The following BOP1 variants were observed in gnomAD, a reference collection of about 807,000 sequenced individuals.
The protein encoded by BOP1 is ribosome biogenesis protein BOP1.
Under a neutral mutation model 82.9 loss-of-function variants are expected in BOP1, and 54 were observed. The observed-to-expected ratio is 0.65, with a 90% confidence interval of 0.52 to 0.82. The LOEUF (loss-of-function observed/expected upper bound fraction) is 0.82, where lower values mean the gene tolerates loss of function less well. Among genes scored for constraint, BOP1 ranks in the 40% least tolerant of loss-of-function variants. The probability of loss-of-function intolerance (pLI) is 0.00; values close to 1 mark genes in which losing one functional copy is unlikely to be tolerated. For missense variants in BOP1, 1,170 were observed against 1,072.0 expected (o/e 1.09, Z -1.28); for synonymous variants, 566 against 451.1 (o/e 1.25, Z -3.23).
chr8:144,275,697 G>C (rs1433351432), intron 3 of BOP1, among the ~76,000 whole-genome samples: 1 of 152,160 alleles, frequency 6.6e-6, no homozygotes, highest in African/African-American at 2.4e-5. Flanking sequence ...GGGGTGGGGG[G>C]CAGGGGGACC....
chr8:144,281,003 C>A (rs113274882), intron 2 of BOP1, among the ~76,000 whole-genome samples: 132 of 93,872 alleles, frequency 1.4e-3, no homozygotes, highest in African/African-American at 2.5e-3. Context: ...CTCTCACTTT[C>A]ATACCAGGTC....
intron 1 of BOP1, among the ~76,000 whole-genome samples, 166 bp from the exon 2 acceptor site, chr8:144,289,470 A>C (rs1554839868): frequency 6.6e-6 from 1 of 151,788 alleles, no homozygotes; most frequent in East Asian, 1.9e-4. Context: ...CATCCACCCA[A>C]CCTGAGCCTT....
intron 2 of BOP1, among the ~76,000 whole-genome samples, chr8:144,282,726 C>G (rs1384580284): frequency 6.6e-6 from 1 of 152,072 alleles, no homozygotes; most frequent in East Asian, 1.9e-4. Flanking sequence ...CCTCTGACCA[C>G]CCCCCAGACA....
chr8:144,277,382 C>A (rs1845583819), intron 2 of BOP1, among the ~76,000 whole-genome samples: 1 of 152,236 alleles, frequency 6.6e-6, no homozygotes, highest in Non-Finnish European at 1.5e-5. Context: ...ACAGCCGCAG[C>A]AGATCCGTGA....
chr8:144,274,181 C>A (rs1026509375), intron 3 of BOP1, among the ~76,000 whole-genome samples: 16 of 151,626 alleles, frequency 1.1e-4, no homozygotes, highest in Middle Eastern at 6.8e-3. Context: ...TCGCCGCTCG[C>A]AGGAGCACAC....
Position 144,263,753 on chromosome 8 carries a change from C to G in BOP1, c.1230G>C (p.Arg410Ser). 2 of 1,581,868 alleles carry G rather than the reference C, an allele frequency of 1.3e-6. No individual in the cohort carries two copies. The highest frequency in any genetic ancestry group is 1.7e-6 in the Non-Finnish European group (2 of 1,166,142). ...GGCACCGGACAAGGTCACTGTGGCC[C>G]CTGTAGACCTGAGGAGGCGGCGGCA... The part of the protein sequence containing the change: ...PFPTCQALVY[R>S]GHSDLVRCLS... Residue 410 changes from arginine (R) to serine (S), a missense_variant, in exon 10 of 16, where the codon AGG becomes AGC. By Grantham distance (110) the Arg-to-Ser change is moderately radical. Transcript: ENST00000569669.
chr8:144,272,671 G>A (rs1365374244), intron 3 of BOP1, among the ~76,000 whole-genome samples: 4 of 152,112 alleles, frequency 2.6e-5, no homozygotes, highest in African/African-American at 9.7e-5. Context: ...CAAGCAGGAG[G>A]ACGCGGCTCT....
Position 144,291,308 on chromosome 8 carries a change from C to A in BOP1, c.63G>T (p.Arg21=). ...GCTCAGGCTCCAGTTCGGGCTCAGA[C>A]CGCCGCTTCTCCGGCCGCACGCTCG... The part of the protein sequence containing the change: ...AAPSVRPEKR[R]SEPELEPEPE... Residue 21 remains arginine, a synonymous_variant, in exon 1 of 16, where the codon CGG becomes CGT. Transcript: ENST00000569669. The surrounding 1 kb of genome is among the most constrained non-coding windows in gnomAD (Gnocchi z 4.1). 1 of 1,446,752 alleles carries A rather than the reference C, an allele frequency of 6.9e-7. No individual in the cohort carries two copies. The highest frequency in any genetic ancestry group is 9.1e-7 in the Non-Finnish European group (1 of 1,099,706). 89.6% of individuals were successfully genotyped at this position (1,446,752 alleles called of 1,614,324 possible). A position where few individuals can be genotyped will look rare whatever the true frequency, so the allele number is the denominator to read the frequency against.
chr8:144,282,885 C>T (rs1845706816), intron 2 of BOP1, among the ~76,000 whole-genome samples: 1 of 151,998 alleles, frequency 6.6e-6, no homozygotes, highest in Admixed American at 6.6e-5. Context: ...AGCAAATGCT[C>T]GTTGTTGAAA....
rs538906098 is a variant in BOP1, at chr8:144,289,308, C to G, written c.100-4G>C. On this transcript the variant is annotated splice_region_variant and splice_polypyrimidine_tract_variant and intron_variant, in intron 1 of 15. Transcript: ENST00000569669. ...GAGAGGTGCAGAGGAGGGGGGGCTG[C>G]AAGGAAACACTGGGTTGGTGACAAC... The G allele has an allele frequency of 8.9e-5, 144 of 1,613,098 alleles. 1 individual carries two copies. The South Asian group carries it at 1.4e-3, about 16-fold the overall frequency.
At position 144,264,695 on chromosome 8, in the gene BOP1, G is replaced by A. The variant is rs921646595; in HGVS notation, c.663+19C>T. On this transcript the variant is annotated intron_variant, in intron 5 of 15. Transcript: ENST00000569669. The stretch of plus-strand genomic sequence containing the variant: ...CCTCCAGGACCCCCGCCGCCCAGGG[G>A]CCAGCCCCTGCCACCTACCTCATAG... 3 of 1,565,596 alleles carry A rather than the reference G, an allele frequency of 1.9e-6. No homozygotes were observed. Among genetic ancestry groups the A allele is most frequent in the East Asian group, 2.4e-5 (1 of 42,398 alleles).
At chr8:144,266,803 G>A (rs1845380390) in intron 3 of BOP1, 31 of 1,137,378 alleles carry the variant, frequency 2.7e-5, no homozygotes, top group Middle Eastern at 3.7e-4. Flanking sequence ...GGCCGGGGGC[G>A]GGGGGCCAGG....
Position 144,291,432 on chromosome 8 carries a change from G to T in BOP1, c.-62C>A. The T allele has an allele frequency of 2.0e-6, 2 of 1,006,234 alleles. No homozygotes were observed. Among genetic ancestry groups the T allele is most frequent in the Non-Finnish European group, 2.4e-6 (2 of 823,308 alleles). 62.3% of individuals were successfully genotyped at this position (1,006,234 alleles called of 1,614,324 possible). A position where few individuals can be genotyped will look rare whatever the true frequency, so the allele number is the denominator to read the frequency against. ...TTCCGACAGCGACCGGGCCGCGTGC[G>T]CAGGAGGACGCGCCCCGCCCAGCCC... is the stretch of plus-strand genomic sequence containing the variant. On this transcript the variant is annotated 5_prime_UTR_variant, in exon 1 of 16. Transcript: ENST00000569669. The surrounding 1 kb of genome is among the most constrained non-coding windows in gnomAD (Gnocchi z 4.1).
chr8:144,272,679 T>A (rs1173243214), intron 3 of BOP1, among the ~76,000 whole-genome samples: 1 of 151,442 alleles, frequency 6.6e-6, no homozygotes, highest in Admixed American at 6.6e-5. Flanking sequence ...AGGACGCGGC[T>A]CTGAAGAGGC....
At chr8:144,269,751 C>T (rs1390673725) in intron 3 of BOP1, among the ~76,000 whole-genome samples, 4 of 152,290 alleles carry the variant, frequency 2.6e-5, no homozygotes, top group East Asian at 3.9e-4. Context: ...AGCCAGGGCC[C>T]GGGGGACACG....
intron 3 of BOP1, chr8:144,266,532 CCGGCCCGCGAGGCCCGCGG>C: frequency 1.0e-6 from 1 of 992,500 alleles, no homozygotes. Flanking sequence ...CTCGCCCCGG[CCGGCCCGCGAGGCCCGCGG>C]CGGCCGCAGG....
intron 3 of BOP1, chr8:144,266,622 C>T (rs1324324374): frequency 3.3e-6 from 4 of 1,215,864 alleles, no homozygotes; most frequent in Non-Finnish European, 4.2e-6. Context: ...CCATGTCCTT[C>T]GCCACGCTGC....
intron 2 of BOP1, among the ~76,000 whole-genome samples, chr8:144,288,722 G>A (rs1256957699): frequency 6.6e-6 from 1 of 152,094 alleles, no homozygotes; most frequent in Admixed American, 6.6e-5. Flanking sequence ...GGTTCCGTTG[G>A]GGCCCCCATG....
In BOP1 at chr8:144,263,545, C is replaced by A. The variant is rs1845284660; in HGVS notation, c.1357G>T (p.Val453Leu). ...GCCACACTCTTCACCACGCCCCCCA[C>A]GGGAACAGTCCTCACACAGCGGGCA... ...ATARCVRTVP[V>L]GGVVKSVAWN... Residue 453 changes from valine to leucine, a missense_variant, in exon 11 of 16, where the codon GTG (valine) becomes TTG (leucine). By Grantham distance (32) the Val-to-Leu change is conservative. Transcript: ENST00000569669. The A allele has an allele frequency of 4.4e-6, 7 of 1,600,864 alleles. No individual in the cohort carries two copies. Among genetic ancestry groups the A allele is most frequent in the Non-Finnish European group, 5.9e-6 (7 of 1,179,728 alleles).
Sources: allele counts gnomAD v4.1 joint callset (sites outside exome capture counted in the v4.1 genomes callset), GRCh38; gene constraint gnomAD v4.1.1; non-coding constraint Gnocchi (gnomAD v3.1); transcripts MANE v1.5; gene names NCBI Gene and HGNC (gene_info 2026-07-23, HGNC 2026-07-21).